Variants in GRIN2A observed in about 807,000 individuals in gnomAD.
GRIN2A encodes glutamate receptor ionotropic, NMDA 2A.
A neutral mutation model predicts 113.4 loss-of-function variants in GRIN2A; 22 were observed. That is an observed-to-expected ratio of 0.19 (90% CI 0.14 to 0.28). GRIN2A has a LOEUF of 0.28. Among genes scored for constraint, GRIN2A ranks in the 10% least tolerant of loss-of-function variants. The pLI, the probability that GRIN2A is intolerant of heterozygous loss-of-function variation, is 1.00. For missense variants in GRIN2A, 1,502 were observed against 1,887.0 expected (o/e 0.80, Z 3.78); for synonymous variants, 827 against 738.4 (o/e 1.12, Z -1.94).
chr16:9,870,474 AG>A (rs2043238936), intron 4 of GRIN2A, among the ~76,000 whole-genome samples: 1 of 152,216 alleles, frequency 6.6e-6, no homozygotes, highest in Non-Finnish European at 1.5e-5. Context: ...ATAATACAAA[AG>A]TCCTAGAGTT....
chr16:9,794,034 A>G (rs1902797069), intron 11 of GRIN2A, among the ~76,000 whole-genome samples: 1 of 152,222 alleles, frequency 6.6e-6, no homozygotes, highest in South Asian at 2.1e-4. Flanking sequence ...AATGTTGGGT[A>G]TCGATGCTGA....
At chr16:9,797,211 T>C (rs188138126) in intron 11 of GRIN2A, among the ~76,000 whole-genome samples, 23 of 152,354 alleles carry the variant, frequency 1.5e-4, no homozygotes, top group African/African-American at 4.8e-4. Context: ...TCTCTGAATA[T>C]AGCCTCCACT....
At chr16:9,771,269 C>T (rs1353431273) in intron 11 of GRIN2A, among the ~76,000 whole-genome samples, 1 of 150,228 alleles carries the variant, frequency 6.7e-6, no homozygotes, top group Admixed American at 6.6e-5. Context: ...AGGTTATTTA[C>T]CTTGTTTTAA....
intron 11 of GRIN2A, among the ~76,000 whole-genome samples, chr16:9,771,497 G>GT (rs1422081909): frequency 1.3e-5 from 2 of 151,764 alleles, no homozygotes; most frequent in African/African-American, 4.8e-5. Context: ...AAGTTTAAAA[G>GT]TTTTTAAAAC....
intron 11 of GRIN2A, among the ~76,000 whole-genome samples, chr16:9,769,451 C>CTTTTTTTTTTTTTTTTTTTTGTTTT (rs1901126611): frequency 9.5e-6 from 1 of 104,890 alleles, no homozygotes; most frequent in South Asian, 3.9e-4. Flanking sequence ...GGAGTTTTGT[C>CTTTTTTTTTTTTTTTTTTTTGTTTT]TTTTTTTTTT....
intron 2 of GRIN2A, among the ~76,000 whole-genome samples, chr16:9,972,938 T>A (rs1270473582): frequency 1.3e-5 from 2 of 152,090 alleles, no homozygotes; most frequent in Non-Finnish European, 2.9e-5. Context: ...TAAGGATAAT[T>A]TGGTGGGTAG....
chr16:9,798,237 C>G, intron 11 of GRIN2A, 40 bp downstream of exon 11: 1 of 1,555,880 alleles, frequency 6.4e-7, no homozygotes, highest in Non-Finnish European at 8.9e-7. Flanking sequence ...GTGTGAGGGT[C>G]TCAAGTCCCC....
chr16:10,167,426 G>A (rs932325193), intron 2 of GRIN2A, among the ~76,000 whole-genome samples: 2 of 152,156 alleles, frequency 1.3e-5, no homozygotes, highest in Admixed American at 1.3e-4. Context: ...AAGAGTCACT[G>A]TTAGGGACCA....
At chr16:10,161,210 G>C (rs948170530) in intron 2 of GRIN2A, among the ~76,000 whole-genome samples, 1 of 152,114 alleles carries the variant, frequency 6.6e-6, no homozygotes, top group African/African-American at 2.4e-5. Context: ...TCTTATTAGG[G>C]GCTTTTCCCC....
chr16:10,009,396 C>G (rs2046461995), intron 2 of GRIN2A, among the ~76,000 whole-genome samples: 1 of 152,008 alleles, frequency 6.6e-6, no homozygotes. Context: ...GGATTAGGAG[C>G]TAAGAAGAGG....
rs1439836132 is a variant in GRIN2A at position 9,760,678 on chromosome 16, G to A, written c.*2471C>T. ...CCAAGTATAACTCTCACTCTCCCTG[G>A]AGGTCTCTGTGGCATTTGGCAGCCC... On this transcript the variant is annotated 3_prime_UTR_variant, in exon 13 of 13. Transcript: ENST00000330684. 4.4e-6 allele frequency: 1 copy of A among 226,434 alleles called. No individual in the cohort carries two copies. The highest frequency in any genetic ancestry group is 2.2e-5 in the African/African-American group (1 of 44,916). The allele number at this position is 226,434 out of a possible 1,614,324, so 14.0% of individuals were successfully genotyped here.
chr16:10,079,730 T>C (rs1396270645), intron 2 of GRIN2A, among the ~76,000 whole-genome samples: 5 of 152,188 alleles, frequency 3.3e-5, no homozygotes, highest in African/African-American at 9.7e-5. Context: ...CTATAAGAAA[T>C]AGATGTTTGT....
At chr16:9,929,892 AC>A (rs778210841) in intron 3 of GRIN2A, among the ~76,000 whole-genome samples, 4 of 152,038 alleles carry the variant, frequency 2.6e-5, no homozygotes, top group Non-Finnish European at 4.4e-5. Flanking sequence ...AACAACCCAA[AC>A]CACCTTTCCC....
At chr16:9,946,774 T>A (rs973367360) in intron 2 of GRIN2A, among the ~76,000 whole-genome samples, 2 of 152,202 alleles carry the variant, frequency 1.3e-5, no homozygotes, top group African/African-American at 2.4e-5. Context: ...CTTGGATGGA[T>A]GTTCTACCAG....
At chr16:9,988,676 A>G (rs989136014) in intron 2 of GRIN2A, among the ~76,000 whole-genome samples, 8 of 152,166 alleles carry the variant, frequency 5.3e-5, no homozygotes, top group African/African-American at 1.9e-4. Context: ...AACCCTCTCA[A>G]GAAGCCATTA....
chr16:9,939,690 G>A (rs150323710), intron 2 of GRIN2A, among the ~76,000 whole-genome samples: 236 of 152,260 alleles, frequency 1.5e-3, no homozygotes, highest in Non-Finnish European at 2.4e-3. Flanking sequence ...GTAGACATCT[G>A]TACCTCAGTG....
intron 12 of GRIN2A, among the ~76,000 whole-genome samples, chr16:9,767,302 C>T (rs988674329): frequency 6.6e-6 from 1 of 152,212 alleles, no homozygotes; most frequent in Non-Finnish European, 1.5e-5. Context: ...CGAATCTCCA[C>T]AGTTCTTGAA....
At chr16:9,907,083 G>T (rs2044041852) in intron 3 of GRIN2A, among the ~76,000 whole-genome samples, 1 of 152,146 alleles carries the variant, frequency 6.6e-6, no homozygotes, top group African/African-American at 2.4e-5. Flanking sequence ...AAAGTGCTGG[G>T]ATTACAGGCA....
intron 2 of GRIN2A, among the ~76,000 whole-genome samples, chr16:9,978,301 C>G (rs566411275): frequency 9.2e-5 from 14 of 152,294 alleles, no homozygotes; most frequent in African/African-American, 3.4e-4. Context: ...GGACCTGGCT[C>G]AGCCTCTTCC....
Sources: allele counts gnomAD v4.1 joint callset (sites outside exome capture counted in the v4.1 genomes callset), GRCh38; gene constraint gnomAD v4.1.1; transcripts MANE v1.5; gene names NCBI Gene and HGNC (gene_info 2026-07-23, HGNC 2026-07-21).